PCGF5: variants seen among roughly 807,000 people sequenced by gnomAD.
The protein encoded by PCGF5 is polycomb group RING finger protein 5.
Under a neutral mutation model 44.3 loss-of-function variants are expected in PCGF5, and 9 were observed. The ratio of observed to expected loss-of-function variants is 0.20; its 90% CI spans 0.12 to 0.35. The LOEUF (loss-of-function observed/expected upper bound fraction) is 0.35. Ranked by LOEUF, PCGF5 falls within the 10% of genes least tolerant of loss-of-function variation. PCGF5 has a pLI of 1.00. For missense variants in PCGF5, 146 were observed against 305.3 expected (o/e 0.48, Z 3.89); for synonymous variants, 95 against 102.5 (o/e 0.93, Z 0.44).
At chr10:91,240,064 C>T (rs903065500) in intron 2 of PCGF5, among the ~76,000 whole-genome samples, 2 of 152,184 alleles carry the variant, frequency 1.3e-5, no homozygotes, top group African/African-American at 2.4e-5. Flanking sequence ...AGGTTGAAAA[C>T]TCTCAAGTTG....
At chr10:91,185,065 C>T (rs184409974) in intron 1 of PCGF5, among the ~76,000 whole-genome samples, 1 of 152,232 alleles carries the variant, frequency 6.6e-6, no homozygotes, top group Admixed American at 6.5e-5. Flanking sequence ...GGGGTACCCC[C>T]TCTGCCCCCA....
At chr10:91,273,886 T>G (rs1182616176) in intron 9 of PCGF5, among the ~76,000 whole-genome samples, 1 of 150,832 alleles carries the variant, frequency 6.6e-6, no homozygotes, top group Non-Finnish European at 1.5e-5. Flanking sequence ...ACATATATAC[T>G]CTAGGTTAAA....
intron 1 of PCGF5, among the ~76,000 whole-genome samples, chr10:91,169,357 T>C (rs1034126457): frequency 3.9e-5 from 6 of 152,180 alleles, no homozygotes; most frequent in African/African-American, 1.4e-4. Context: ...GAAGATGACA[T>C]GATTGTTTAT....
intron 1 of PCGF5, among the ~76,000 whole-genome samples, chr10:91,192,806 A>G (rs1844057051): frequency 6.6e-6 from 1 of 152,216 alleles, no homozygotes. Context: ...GCTGGGTTGT[A>G]GTATAAATAC....
upstream of PCGF5, among the ~76,000 whole-genome samples, chr10:91,159,392 G>A: frequency 6.6e-6 from 1 of 152,164 alleles, no homozygotes; most frequent in Non-Finnish European, 1.5e-5. Flanking sequence ...GGGAGGTGGG[G>A]CCTTTGGGAA....
chr10:91,199,118 C>T (rs1298477341), intron 1 of PCGF5, among the ~76,000 whole-genome samples: 1 of 152,244 alleles, frequency 6.6e-6, no homozygotes, highest in African/African-American at 2.4e-5. Context: ...GTCTCTACCA[C>T]TTTCTGGGTC....
chr10:91,213,027 C>G (rs1844480793), intron 1 of PCGF5, among the ~76,000 whole-genome samples: 1 of 152,168 alleles, frequency 6.6e-6, no homozygotes, highest in Non-Finnish European at 1.5e-5. Context: ...TTCCTAAGCG[C>G]TGCTCGTCTG....
intron 1 of PCGF5, among the ~76,000 whole-genome samples, chr10:91,173,231 A>G (rs1198496889): frequency 1.3e-5 from 2 of 152,256 alleles, no homozygotes; most frequent in Non-Finnish European, 2.9e-5. Flanking sequence ...AAAGATGACT[A>G]TTGAAATTTG....
chr10:91,210,023 G>T (rs1312348189), intron 1 of PCGF5, among the ~76,000 whole-genome samples: 1 of 152,136 alleles, frequency 6.6e-6, no homozygotes, highest in East Asian at 1.9e-4. Context: ...GCCACTTCTG[G>T]CATTTAGATG....
chr10:91,243,273 CAGCCACT>C (rs1490348545), intron 3 of PCGF5, among the ~76,000 whole-genome samples: 3 of 152,146 alleles, frequency 2.0e-5, no homozygotes, highest in Non-Finnish European at 4.4e-5. Flanking sequence ...GGTCACATGA[CAGCCACT>C]AGGTAAAGGG....
intron 1 of PCGF5, among the ~76,000 whole-genome samples, chr10:91,163,375 G>C (rs1340401998): frequency 1.3e-5 from 2 of 151,812 alleles, no homozygotes; most frequent in Non-Finnish European, 2.9e-5. Flanking sequence ...CTCTTCCCCA[G>C]AGGGGCGCCT....
intron 3 of PCGF5, among the ~76,000 whole-genome samples, chr10:91,241,455 ATGACT>A (rs1845324551): frequency 6.6e-6 from 1 of 152,132 alleles, no homozygotes; most frequent in South Asian, 2.1e-4. Flanking sequence ...GAGAAGTGAT[ATGACT>A]TGACTTAAGG....
intron 1 of PCGF5, among the ~76,000 whole-genome samples, chr10:91,213,595 G>A (rs1024411366): frequency 6.6e-6 from 1 of 151,624 alleles, no homozygotes; most frequent in African/African-American, 2.4e-5. Context: ...CTCCCGAGTA[G>A]CTGGGATTAT....
chr10:91,278,882 T>G lies in PCGF5; in HGVS notation c.*566T>G, dbSNP rs902548295. ...AAGTCCTTTTGCCAAGAATTCCAAT[T>G]ATTCTGTAACATTAGAGCACAATAT... On this transcript the variant is annotated 3_prime_UTR_variant, in exon 10 of 10. Coordinates refer to ENST00000336126, the MANE Select transcript of PCGF5 (RefSeq NM_032373.5). The G allele has an allele frequency of 1.3e-5, 2 of 153,318 alleles. No homozygotes were observed. Among genetic ancestry groups the G allele is most frequent in the African/African-American group, 4.8e-5 (2 of 41,456 alleles). 9.5% of individuals were successfully genotyped at this position (153,318 alleles called of 1,614,324 possible).
intron 2 of PCGF5, among the ~76,000 whole-genome samples, chr10:91,232,660 A>C (rs1011023964): frequency 1.3e-5 from 2 of 152,210 alleles, no homozygotes; most frequent in Admixed American, 6.5e-5. Flanking sequence ...TAGGTACATG[A>C]AGTTCTGGAA....
upstream of PCGF5, among the ~76,000 whole-genome samples, chr10:91,215,442 C>T (rs879679019): frequency 2.6e-5 from 4 of 152,302 alleles, no homozygotes; most frequent in East Asian, 1.9e-4. Context: ...GCTTAAATTC[C>T]CTTGTTTAAC....
chr10:91,249,381 A>G (rs1845561150), intron 5 of PCGF5, among the ~76,000 whole-genome samples: 2 of 190 alleles, frequency 0.011, no homozygotes, highest in African/African-American at 0.031. Flanking sequence ...GTATATATAT[A>G]TATATATATA....
At chr10:91,205,074 T>A (rs4443989) in intron 1 of PCGF5, among the ~76,000 whole-genome samples, 115,751 of 152,162 alleles carry the variant, frequency 0.76, 47,273 homozygotes, top group East Asian at 0.95. Context: ...ACAGTTTAGG[T>A]TGCTAATTCT....
intron 1 of PCGF5, among the ~76,000 whole-genome samples, chr10:91,182,479 A>G (rs559320829): frequency 6.6e-6 from 1 of 151,582 alleles, no homozygotes; most frequent in Non-Finnish European, 1.5e-5. Flanking sequence ...ATATTTTATT[A>G]TTTTTTTCAA....
Sources: gnomAD v4.1 joint callset for allele counts (sites outside exome capture counted in the v4.1 genomes callset) on GRCh38, gnomAD v4.1.1 for gene constraint, MANE v1.5 for transcripts, NCBI Gene and HGNC (gene_info 2026-07-23, HGNC 2026-07-21) for gene names.